Variants in RPSA2 observed in about 807,000 individuals in gnomAD.
RPSA2 encodes ribosomal protein SA 2.
chr19:23,816,580 T>G, the RPSA2 span, among the ~76,000 whole-genome samples: 1 of 152,230 alleles, frequency 6.6e-6, no homozygotes, highest in African/African-American at 2.4e-5. Flanking sequence ...GCTTCAATTA[T>G]TTTTCTAATT....
At chr19:23,772,759 T>C in the RPSA2 span, among the ~76,000 whole-genome samples, 1 of 152,156 alleles carries the variant, frequency 6.6e-6, no homozygotes, top group Non-Finnish European at 1.5e-5. Context: ...TGTCCACAGT[T>C]GGAATTGTGA....
chr19:23,786,043 A>G, the RPSA2 span, among the ~76,000 whole-genome samples: 1 of 152,226 alleles, frequency 6.6e-6, no homozygotes, highest in African/African-American at 2.4e-5. Flanking sequence ...TGTGACTGTC[A>G]TATGTGAACA....
At chr19:23,850,919 T>C in the RPSA2 span, among the ~76,000 whole-genome samples, 1 of 152,278 alleles carries the variant, frequency 6.6e-6, no homozygotes, top group African/African-American at 2.4e-5. Context: ...GATTGGCCCG[T>C]TCCACAACAG....
At chr19:23,867,264 G>A in the RPSA2 span, among the ~76,000 whole-genome samples, 1 of 152,180 alleles carries the variant, frequency 6.6e-6, no homozygotes, top group African/African-American at 2.4e-5. Flanking sequence ...AGTGGGAGTA[G>A]GAGCAGCTCA....
At chr19:23,771,247 C>G in the RPSA2 span, among the ~76,000 whole-genome samples, 2 of 152,108 alleles carry the variant, frequency 1.3e-5, no homozygotes, top group East Asian at 1.9e-4. Context: ...CAGCTGCAGT[C>G]AAAAGTTGGA....
At chr19:23,834,869 A>C in the RPSA2 span, among the ~76,000 whole-genome samples, 2 of 152,136 alleles carry the variant, frequency 1.3e-5, no homozygotes, top group African/African-American at 4.8e-5. Flanking sequence ...ATAAGTTAAA[A>C]AATATTGTTC....
chr19:23,812,022 G>A, the RPSA2 span, among the ~76,000 whole-genome samples: 8 of 152,136 alleles, frequency 5.3e-5, no homozygotes, highest in African/African-American at 1.9e-4. Context: ...TGCCTTCCGG[G>A]AATGCACAGT....
the RPSA2 span, chr19:23,782,221 CAG>C: frequency 6.6e-6 from 1 of 152,360 alleles, no homozygotes; most frequent in Non-Finnish European, 1.5e-5. Flanking sequence ...TCCCTAATCA[CAG>C]GGGGTATTGG....
At chr19:23,827,239 T>G in the RPSA2 span, 1 of 795,006 alleles carries the variant, frequency 1.3e-6, no homozygotes, top group Non-Finnish European at 2.2e-6. Flanking sequence ...CCCACTTAGG[T>G]GGCACCAATC....
At chr19:23,840,704 T>A in the RPSA2 span, among the ~76,000 whole-genome samples, 3 of 151,976 alleles carry the variant, frequency 2.0e-5, no homozygotes, top group Non-Finnish European at 4.4e-5. Context: ...ACACCTGTAA[T>A]CCCAGCACTC....
At chr19:23,834,855 G>T in the RPSA2 span, among the ~76,000 whole-genome samples, 1 of 151,998 alleles carries the variant, frequency 6.6e-6, no homozygotes, top group Non-Finnish European at 1.5e-5. Flanking sequence ...ACTTTAAATG[G>T]CCAATAAGTT....
the RPSA2 span, among the ~76,000 whole-genome samples, chr19:23,803,175 A>G: frequency 6.6e-6 from 1 of 151,590 alleles, no homozygotes; most frequent in Non-Finnish European, 1.5e-5. Flanking sequence ...AGAATTTTAC[A>G]TTAGCTCTAC....
At chr19:23,760,518 G>C in the RPSA2 span, among the ~76,000 whole-genome samples, 2 of 151,840 alleles carry the variant, frequency 1.3e-5, no homozygotes, top group African/African-American at 4.8e-5. Context: ...CTGGGTTGTG[G>C]TTTCAGTGTG....
the RPSA2 span, among the ~76,000 whole-genome samples, chr19:23,856,818 G>T: frequency 6.6e-6 from 1 of 152,192 alleles, no homozygotes; most frequent in Admixed American, 6.5e-5. Context: ...ATTTCAAAAG[G>T]GGAGGGGGTG....
chr19:23,777,445 A>G, the RPSA2 span, among the ~76,000 whole-genome samples: 23 of 152,176 alleles, frequency 1.5e-4, no homozygotes, highest in Non-Finnish European at 2.5e-4. Context: ...AGAAATTGCG[A>G]CATATCCCTG....
chr19:23,821,560 G>A, the RPSA2 span, among the ~76,000 whole-genome samples: 1 of 152,174 alleles, frequency 6.6e-6, no homozygotes, highest in African/African-American at 2.4e-5. Flanking sequence ...AAGGAACCCG[G>A]TTGGTCCTAG....
At chr19:23,866,703 G>A in the RPSA2 span, among the ~76,000 whole-genome samples, 3 of 152,094 alleles carry the variant, frequency 2.0e-5, no homozygotes, top group East Asian at 1.9e-4. Flanking sequence ...CCCCACTTCA[G>A]GGGTGGGTCC....
At chr19:23,802,417 C>T in the RPSA2 span, among the ~76,000 whole-genome samples, 1 of 152,196 alleles carries the variant, frequency 6.6e-6, no homozygotes, top group Non-Finnish European at 1.5e-5. Flanking sequence ...CAGCCTGAGT[C>T]TCTCCTGCTG....
At chr19:23,853,068 G>A in the RPSA2 span, among the ~76,000 whole-genome samples, 3 of 152,216 alleles carry the variant, frequency 2.0e-5, no homozygotes, top group Admixed American at 2.0e-4. Flanking sequence ...GAAAGCATCT[G>A]TCCAATATAA....
Sources: allele counts gnomAD v4.1 joint callset (sites outside exome capture counted in the v4.1 genomes callset), GRCh38; gene constraint gnomAD v4.1.1; transcripts MANE v1.5; gene names NCBI Gene and HGNC (gene_info 2026-07-23, HGNC 2026-07-21).